Variants in LAPTM4A observed in about 807,000 individuals in gnomAD.
The protein encoded by LAPTM4A is lysosomal-associated transmembrane protein 4A.
In LAPTM4A, 19 loss-of-function variants were observed where a neutral mutation model predicts 29.9. That is an observed-to-expected ratio of 0.64 (90% confidence interval 0.44 to 0.93). The LOEUF (loss-of-function observed/expected upper bound fraction) is 0.93. Ranked by LOEUF, LAPTM4A falls within the 40% of genes least tolerant of loss-of-function variation. LAPTM4A has a pLI of 0.00. For missense variants in LAPTM4A, 293 were observed against 288.5 expected (o/e 1.02, Z -0.11); for synonymous variants, 105 against 102.1 (o/e 1.03, Z -0.17).
At chr2:20,034,468 G>T in intron 5 of LAPTM4A, 53 bp from the exon 6 acceptor site, 1 of 1,185,104 alleles carries the variant, frequency 8.4e-7, no homozygotes, top group Non-Finnish European at 1.3e-6. Context: ...CAGACTACCT[G>T]CTCTAAAATG....
Position 20,051,434 on chromosome 2 carries a change from C to CT in LAPTM4A, c.86_87insA (p.Ile30AspfsTer36). 1 of 1,612,494 alleles carries CT rather than the reference C, an allele frequency of 6.2e-7. No homozygotes were observed. The highest frequency in any genetic ancestry group is 1.1e-5 in the South Asian group (1 of 90,940). ...CCATGTACCAGGTCCCCAGGATGAT[C>CT]GTCCCGGTGCGGACATGGCAACAGC... On this transcript the variant is annotated frameshift_variant, in exon 1 of 7. Transcript: ENST00000175091. LOFTEE classifies it high-confidence loss of function.
At chr2:20,036,734 C>G (rs1298515697) in intron 4 of LAPTM4A, among the ~76,000 whole-genome samples, 1 of 152,190 alleles carries the variant, frequency 6.6e-6, no homozygotes, top group Non-Finnish European at 1.5e-5. Flanking sequence ...TCCTTGGCCA[C>G]CCAGCCCAGA....
chr2:20,037,280 GA>G lies in LAPTM4A; in HGVS notation c.432+35del, dbSNP rs746042237. The G allele has an allele frequency of 5.6e-4, 823 of 1,471,318 alleles. 3 individuals carry two copies. In the African/African-American group the frequency reaches 7.4e-3, roughly 13 times the overall value. The allele number at this position is 1,471,318 out of a possible 1,614,324, so 91.1% of individuals were successfully genotyped here. On this transcript the variant is annotated intron_variant, in intron 4 of 6. Coordinates refer to ENST00000175091, the MANE Select transcript of LAPTM4A (RefSeq NM_014713.5). ...TAAATGTAAACATTTTACTCAAAAT[GA>G]AAAAAAAATAAGTTTAATGAGCATA...
intron 1 of LAPTM4A, among the ~76,000 whole-genome samples, chr2:20,042,310 C>A (rs1673817943): frequency 6.6e-6 from 1 of 152,166 alleles, no homozygotes; most frequent in African/African-American, 2.4e-5. Context: ...AGAGTAACTC[C>A]CTAAAACACC....
At chr2:20,047,106 T>C (rs940006765) in intron 1 of LAPTM4A, among the ~76,000 whole-genome samples, 11 of 151,760 alleles carry the variant, frequency 7.2e-5, no homozygotes, top group Non-Finnish European at 1.3e-4. Context: ...TAAAGAAAGC[T>C]TGGCTGGGCA....
Position 20,046,727 on chromosome 2 carries a change from A to AT in LAPTM4A, c.111+4682dup, listed in dbSNP as rs1034721012. On this transcript the variant is annotated intron_variant, in intron 1 of 6. Transcript: ENST00000175091. ...TGTTTTATATATATTTATATATTAT[A>AT]TATCTATATATAAATATATATTATA... Among the ~76,000 whole-genome samples, 8 of 145,922 alleles carry AT rather than the reference A, an allele frequency of 5.5e-5. 1 individual carries two copies. The South Asian group carries it at 6.3e-4, about 11-fold the overall frequency.
At chr2:20,047,955 A>G (rs893522968) in intron 1 of LAPTM4A, among the ~76,000 whole-genome samples, 1 of 152,188 alleles carries the variant, frequency 6.6e-6, no homozygotes, top group Non-Finnish European at 1.5e-5. Context: ...TAGTTTAAGG[A>G]AGGAAACTAA....
At chr2:20,050,329 G>A (rs1236754479) in intron 1 of LAPTM4A, among the ~76,000 whole-genome samples, 1 of 152,192 alleles carries the variant, frequency 6.6e-6, no homozygotes, top group Non-Finnish European at 1.5e-5. Context: ...TGAGTGGGGA[G>A]AAGCAGCAAG....
At chr2:20,041,532 A>G (rs1354623319) in intron 1 of LAPTM4A, among the ~76,000 whole-genome samples, 1 of 151,826 alleles carries the variant, frequency 6.6e-6, no homozygotes, top group Non-Finnish European at 1.5e-5. Flanking sequence ...GTGTGTGTGT[A>G]TGTGTATGTG....
chr2:20,035,438 T>C (rs1016317), intron 4 of LAPTM4A, among the ~76,000 whole-genome samples: 1 of 152,168 alleles, frequency 6.6e-6, no homozygotes, highest in Non-Finnish European at 1.5e-5. Context: ...CTGTGTAAGT[T>C]CTACAGATAA....
In LAPTM4A at chr2:20,041,031, A is replaced by T. The variant is rs1673785514; in HGVS notation, c.112-20T>A. The T allele has an allele frequency of 6.2e-7, 1 of 1,612,870 alleles. No homozygotes were observed. Among genetic ancestry groups the T allele is most frequent in the African/African-American group, 1.3e-5 (1 of 75,018 alleles). On this transcript the variant is annotated intron_variant, in intron 1 of 6. Coordinates refer to ENST00000175091, the MANE Select transcript of LAPTM4A (RefSeq NM_014713.5). ...TACTACCTGGAAAAGATAACATTCTATCAGTTACATTAATTACCATCACGA... is the reference window on the plus strand; with the variant it reads ...TACTACCTGGAAAAGATAACATTCTTTCAGTTACATTAATTACCATCACGA...
intron 2 of LAPTM4A, among the ~76,000 whole-genome samples, chr2:20,039,007 C>T (rs1436203173): frequency 6.6e-6 from 1 of 152,038 alleles, no homozygotes; most frequent in African/African-American, 2.4e-5. Context: ...ACCTCTGCCT[C>T]CCAGGTTCAT....
chr2:20,047,630 C>G (rs1572400927), intron 1 of LAPTM4A, among the ~76,000 whole-genome samples: 1 of 147,864 alleles, frequency 6.8e-6, no homozygotes, highest in East Asian at 2.0e-4. Flanking sequence ...GCGGAGCTTG[C>G]AGTGAGCCGA....
chr2:20,033,496 G>A (rs1324308005), intron 6 of LAPTM4A, among the ~76,000 whole-genome samples: 1 of 151,828 alleles, frequency 6.6e-6, no homozygotes, highest in Non-Finnish European at 1.5e-5. Context: ...GAGGGAGGTG[G>A]GGAGAGAGAG....
In LAPTM4A at chr2:20,051,522, G is replaced by A. The variant is rs1674074335; in HGVS notation, c.-2C>T. The stretch of plus-strand genomic sequence containing the variant: ...CCGCTTGAAACTCATGGACACCATC[G>A]TAACAGGCGGGCCTCCTTCTTGGCC... On this transcript the variant is annotated 5_prime_UTR_variant, in exon 1 of 7. In the 5' UTR this introduces an upstream ATG that the reference lacks. Transcript: ENST00000175091. The A allele has an allele frequency of 1.3e-6, 2 of 1,580,864 alleles. No homozygotes were observed. The highest frequency in any genetic ancestry group is 1.4e-5 in the African/African-American group (1 of 73,998).
chr2:20,051,320 C>T (rs1674064184), intron 1 of LAPTM4A, 90 bp downstream of exon 1: 3 of 775,072 alleles, frequency 3.9e-6, no homozygotes, highest in Middle Eastern at 3.3e-4. Flanking sequence ...CCCCGCCCCA[C>T]CCAACACCCC....
rs1480778849 is a variant in LAPTM4A, at chr2:20,037,359, G to T, written c.389C>A (p.Ser130Tyr). The change falls in exon 4 of 7, where the codon TCT (serine) becomes TAT (tyrosine). Residue 130 changes from serine (S) to tyrosine (Y), a missense_variant. Transcript: ENST00000175091. The stretch of plus-strand genomic sequence containing the variant: ...TTTGATTCTTGGCAAATAGGTGAGA[G>T]AACTAATAGCAACCAGGCAACTGAG... ...FVLSCLVAIS[S>Y]LTYLPRIKEY... 1 of 1,613,250 alleles carries T rather than the reference G, an allele frequency of 6.2e-7. No homozygotes were observed. The highest frequency in any genetic ancestry group is 8.5e-7 in the Non-Finnish European group (1 of 1,179,362).
intron 1 of LAPTM4A, among the ~76,000 whole-genome samples, chr2:20,042,469 C>T (rs1673820631): frequency 6.6e-6 from 1 of 152,200 alleles, no homozygotes; most frequent in African/African-American, 2.4e-5. Context: ...TTCTGACACA[C>T]TACAGATTTA....
intron 5 of LAPTM4A, 113 bp from the exon 6 acceptor site, chr2:20,034,528 T>C: frequency 1.3e-6 from 1 of 751,974 alleles, no homozygotes; most frequent in Non-Finnish European, 2.4e-6. Context: ...AGAAGGGAGC[T>C]GACCTCTGTG....
Sources: gnomAD v4.1 joint callset for allele counts (sites outside exome capture counted in the v4.1 genomes callset) on GRCh38, gnomAD v4.1.1 for gene constraint, MANE v1.5 for transcripts, NCBI Gene and HGNC (gene_info 2026-07-23, HGNC 2026-07-21) for gene names.